Variants in SMAD3 observed in about 807,000 individuals in gnomAD.
SMAD3 encodes the protein SMAD family member 3.
A neutral mutation model predicts 51.8 loss-of-function variants in SMAD3; 12 were observed. The ratio of observed to expected loss-of-function variants is 0.23; its 90% CI spans 0.15 to 0.38. The LOEUF (loss-of-function observed/expected upper bound fraction) is 0.38. SMAD3 is among the 10% of genes least tolerant of loss of function. The probability of loss-of-function intolerance (pLI) is 1.00; values close to 1 mark genes in which losing one functional copy is unlikely to be tolerated. For synonymous variants in SMAD3, 238 were observed against 227.7 expected, an observed-to-expected ratio of 1.05 and a Z score of -0.41; for missense variants, 294 against 565.6, an observed-to-expected ratio of 0.52 and a Z score of 4.87.
chr15:67,095,432 C>T lies in SMAD3; in HGVS notation c.206+29072C>T, dbSNP rs1027956600. On this transcript the variant is annotated intron_variant, in intron 1 of 8. Transcript: ENST00000327367. Reference sequence around the variant, plus strand: ...AGTGTGTCTTGAGCCTGTCCTTACACAGGTGTGGCTGTCATCAAGGCCATC... The same window carrying T: ...AGTGTGTCTTGAGCCTGTCCTTACATAGGTGTGGCTGTCATCAAGGCCATC... Among the ~76,000 whole-genome samples the T allele has an allele frequency of 3.3e-5, 5 of 152,146 alleles. No individual in the cohort carries two copies. In the East Asian group the frequency reaches 9.6e-4, roughly 29 times the overall value.
intron 1 of SMAD3, among the ~76,000 whole-genome samples, chr15:67,110,040 C>A (rs534180086): frequency 6.6e-6 from 1 of 152,354 alleles, no homozygotes; most frequent in South Asian, 2.1e-4. Flanking sequence ...GAATGTTTGC[C>A]TTTTAGGAGT....
At chr15:67,168,048 G>A (rs1233574808) in intron 4 of SMAD3, among the ~76,000 whole-genome samples, 1 of 152,204 alleles carries the variant, frequency 6.6e-6, no homozygotes, top group Non-Finnish European at 1.5e-5. Flanking sequence ...CTGCCTCCTG[G>A]GTTCAAGCTA....
At chr15:67,160,539 G>A (rs1030847096) in intron 1 of SMAD3, among the ~76,000 whole-genome samples, 4 of 152,212 alleles carry the variant, frequency 2.6e-5, no homozygotes, top group Non-Finnish European at 4.4e-5. Flanking sequence ...TTGGGAGGCC[G>A]AGGCAGGCGG....
intron 1 of SMAD3, among the ~76,000 whole-genome samples, chr15:67,161,675 G>GC (rs1962434601): frequency 6.6e-6 from 1 of 152,162 alleles, no homozygotes; most frequent in African/African-American, 2.4e-5. Context: ...TCAACCTCCA[G>GC]CTCACCCTAC....
At chr15:67,073,173 A>ATC (rs1013290794) in intron 1 of SMAD3, among the ~76,000 whole-genome samples, 3 of 152,212 alleles carry the variant, frequency 2.0e-5, no homozygotes, top group East Asian at 1.9e-4. Flanking sequence ...CTTGACAAGG[A>ATC]TCTCTCTCTC....
intron 1 of SMAD3, among the ~76,000 whole-genome samples, chr15:67,105,269 G>T (rs981655257): frequency 6.6e-6 from 1 of 152,274 alleles, no homozygotes; most frequent in South Asian, 2.1e-4. Flanking sequence ...CTTCCTCTGC[G>T]TTCTACAGGG....
intron 5 of SMAD3, among the ~76,000 whole-genome samples, chr15:67,175,585 C>T (rs1220972168): frequency 3.9e-5 from 6 of 152,190 alleles, no homozygotes; most frequent in Non-Finnish European, 8.8e-5. Flanking sequence ...GGAGGACCCT[C>T]CCCCCAGGGT....
chr15:67,137,756 C>A lies in SMAD3; in HGVS notation c.207-27139C>A, dbSNP rs980140746. ...TTTGTTTGGGGTGCATCATTTCTCT[C>A]AAGCCGAATTTTCTCTGGTAATCTG... On this transcript the variant is annotated intron_variant, in intron 1 of 8. Coordinates refer to ENST00000327367, the MANE Select transcript of SMAD3 (RefSeq NM_005902.4). Among the ~76,000 whole-genome samples, 5 of 152,224 alleles carry A rather than the reference C, an allele frequency of 3.3e-5. 1 individual carries two copies. The South Asian group carries it at 1.0e-3, about 32-fold the overall frequency.
chr15:67,168,418 C>G (rs990764044), intron 4 of SMAD3, among the ~76,000 whole-genome samples: 7 of 152,222 alleles, frequency 4.6e-5, no homozygotes, highest in Admixed American at 2.6e-4. Context: ...CTTCCTGTAT[C>G]CGATGCCAAG....
chr15:67,167,794 T>C (rs1218884484), intron 4 of SMAD3, among the ~76,000 whole-genome samples: 1 of 152,124 alleles, frequency 6.6e-6, no homozygotes, highest in African/African-American at 2.4e-5. Context: ...CCACATAGAA[T>C]GTGTACTGAG....
chr15:67,165,131 G>A (rs2140294404), intron 2 of SMAD3, 43 bp downstream of exon 2: 1 of 1,611,316 alleles, frequency 6.2e-7, no homozygotes. Flanking sequence ...GGTGCCAGGG[G>A]TCATCACCTC....
Position 67,166,782 on chromosome 15 carries a change from C to T in SMAD3, c.536C>T (p.Thr179Ile). Residue 179 changes from threonine (T) to isoleucine (I), a missense_variant, in exon 4 of 9, where the codon ACC becomes ATC. Physicochemically the swap from Thr to Ile is moderately conservative, Grantham distance 89. Around this residue, in one of 3 missense-constraint regions of SMAD3, gnomAD observed 147 missense variants for 260.9 expected, o/e 0.56. Transcript: ENST00000327367. ...CCACCTTCCTTCTGATTCCCAGAGA[C>T]CCCACCCCCTGGCTACCTGAGTGAA... ...GIEPQSNIPETPPPGYLSEDG... is the reference protein window; with the variant it reads ...GIEPQSNIPEIPPPGYLSEDG... 1 of 1,590,220 alleles carries T rather than the reference C, an allele frequency of 6.3e-7. No individual in the cohort carries two copies. The highest frequency in any genetic ancestry group is 2.3e-5 in the East Asian group (1 of 44,254).
chr15:67,148,937 G>T (rs1009417702), intron 1 of SMAD3, among the ~76,000 whole-genome samples: 1 of 152,124 alleles, frequency 6.6e-6, no homozygotes, highest in Non-Finnish European at 1.5e-5. Flanking sequence ...CCCTCAAGGA[G>T]CTCCTGGCAC....
Position 67,191,050 on chromosome 15 carries a change from G to GCCCCA in SMAD3, c.*517_*521dup. 3.0e-5 allele frequency: 2 copies of GCCCCA among 66,318 alleles called. No homozygotes were observed. Among genetic ancestry groups the GCCCCA allele is most frequent in the East Asian group, 2.4e-4 (1 of 4,188 alleles). 4.1% of individuals were successfully genotyped at this position (66,318 alleles called of 1,614,324 possible). On this transcript the variant is annotated 3_prime_UTR_variant, in exon 9 of 9. Coordinates refer to ENST00000327367, the MANE Select transcript of SMAD3 (RefSeq NM_005902.4). Reference sequence around the variant, plus strand: ...TCCCAGCCCAGCCCCGCCCCGCCCCGCCCCACCACTCCAGCAGACCTTGCC... The same window carrying GCCCCA: ...TCCCAGCCCAGCCCCGCCCCGCCCCGCCCCACCCCACCACTCCAGCAGACCTTGCC...
intron 1 of SMAD3, among the ~76,000 whole-genome samples, chr15:67,161,958 C>G (rs939104655): frequency 2.6e-5 from 4 of 152,190 alleles, no homozygotes; most frequent in African/African-American, 9.7e-5. Context: ...GAGTCCCAGG[C>G]TGTCTTCTCG....
At chr15:67,131,876 A>G (rs1036838496) in intron 1 of SMAD3, among the ~76,000 whole-genome samples, 2 of 152,200 alleles carry the variant, frequency 1.3e-5, no homozygotes, top group Non-Finnish European at 1.5e-5. Flanking sequence ...TCTTCAGGAC[A>G]CTACCTGGCT....
intron 5 of SMAD3, among the ~76,000 whole-genome samples, chr15:67,178,965 T>C (rs541005498): frequency 1.4e-3 from 219 of 152,304 alleles, no homozygotes; most frequent in Non-Finnish European, 1.2e-3. Flanking sequence ...ATCTTGATGG[T>C]GATCAAGATA....
At chr15:67,092,487 C>T (rs1408194807) in intron 1 of SMAD3, among the ~76,000 whole-genome samples, 1 of 152,200 alleles carries the variant, frequency 6.6e-6, no homozygotes, top group Non-Finnish European at 1.5e-5. Context: ...AGTCTCAGGC[C>T]CCGCCCCCAG....
At chr15:67,145,325 T>G (rs1961946327) in intron 1 of SMAD3, among the ~76,000 whole-genome samples, 1 of 152,192 alleles carries the variant, frequency 6.6e-6, no homozygotes, top group African/African-American at 2.4e-5. Flanking sequence ...ACCTTCATTT[T>G]CACAATCCAC....
Sources: allele counts gnomAD v4.1 joint callset (sites outside exome capture counted in the v4.1 genomes callset), GRCh38; gene constraint gnomAD v4.1.1; regional missense constraint gnomAD v4.1.1; transcripts MANE v1.5; gene names NCBI Gene and HGNC (gene_info 2026-07-23, HGNC 2026-07-21).